The following PFKFB4 variants were observed in gnomAD, a reference collection of about 807,000 sequenced individuals.
PFKFB4 encodes the protein 6-phosphofructo-2-kinase/fructose-2,6-biphosphatase 4, also known as 6-phosphofructo-2-kinase/fructose-2,6-bisphosphatase 4.
A neutral mutation model predicts 62.8 loss-of-function variants in PFKFB4; 42 were observed. That is an observed-to-expected ratio of 0.67 (90% CI 0.52 to 0.86). The LOEUF (loss-of-function observed/expected upper bound fraction) is 0.86. Among genes scored for constraint, PFKFB4 ranks in the 40% least tolerant of loss-of-function variants. The pLI, the probability that PFKFB4 is intolerant of heterozygous loss-of-function variation, is 0.00. For missense variants in PFKFB4, 475 were observed against 627.2 expected, an observed-to-expected ratio of 0.76 and a Z score of 2.59; for synonymous variants, 204 against 240.7, an observed-to-expected ratio of 0.85 and a Z score of 1.41.
chr3:48,543,857 G>A (rs993914043), intron 3 of PFKFB4, among the ~76,000 whole-genome samples: 1 of 152,256 alleles, frequency 6.6e-6, no homozygotes, highest in Non-Finnish European at 1.5e-5. Flanking sequence ...TACACTCTTG[G>A]CTATTAGGAA....
In PFKFB4 at chr3:48,556,615, G is replaced by T; in HGVS notation, c.97+66C>A. On this transcript the variant is annotated intron_variant, in intron 1 of 13. Transcript: ENST00000232375. This position sits in a 1 kb window ranked among gnomAD's most constrained non-coding sequence, Gnocchi z 5.7. ...CGCCCCTTCTCCATGCGAGACCCCC[G>T]CCCAGGCCGCCCTACCCACCCATCC... 1.0e-6 allele frequency: 1 copy of T among 979,436 alleles called. No individual in the cohort carries two copies. Among genetic ancestry groups the T allele is most frequent in the Non-Finnish European group, 1.5e-6 (1 of 686,202 alleles). The allele number at this position is 979,436 out of a possible 1,614,324, so 60.7% of individuals were successfully genotyped here. A position where few individuals can be genotyped will look rare whatever the true frequency, so the allele number is the denominator to read the frequency against.
intron 1 of PFKFB4, among the ~76,000 whole-genome samples, chr3:48,550,917 A>G (rs1313191680): frequency 6.6e-6 from 1 of 152,244 alleles, no homozygotes; most frequent in African/African-American, 2.4e-5. Context: ...GGCCTGGCAC[A>G]GCGCTGGTGC....
chr3:48,522,199 G>A (rs2042118313), intron 12 of PFKFB4, 149 bp from the exon 13 acceptor site: 3 of 707,196 alleles, frequency 4.2e-6, no homozygotes, highest in South Asian at 3.3e-5. Context: ...AGGCAGCTCT[G>A]GGGAGCCCCG....
chr3:48,525,475 G>GCC, intron 10 of PFKFB4, 90 bp downstream of exon 10: 1 of 632,632 alleles, frequency 1.6e-6, no homozygotes, highest in Non-Finnish European at 2.7e-6. Flanking sequence ...TACCCACGCA[G>GCC]CCCCTGCAGA....
Position 48,525,559 on chromosome 3 carries a change from A to C in PFKFB4, c.1092+6T>G, listed in dbSNP as rs1258090295. The C allele has an allele frequency of 6.5e-7, 1 of 1,527,926 alleles. No homozygotes were observed. Among genetic ancestry groups the C allele is most frequent in the African/African-American group, 1.4e-5 (1 of 71,934 alleles). 94.6% of individuals were successfully genotyped at this position (1,527,926 alleles called of 1,614,324 possible). On this transcript the variant is annotated splice_donor_region_variant and intron_variant, in intron 10 of 13. Coordinates refer to ENST00000232375, the MANE Select transcript of PFKFB4 (RefSeq NM_004567.4). ...TGGCTGGGACTAAGCCCCAAATCCCACCTACCTCCCCTTTAGGGTACCGGT... is the reference window on the plus strand; with the variant it reads ...TGGCTGGGACTAAGCCCCAAATCCCCCCTACCTCCCCTTTAGGGTACCGGT...
rs1172144710 is a variant in PFKFB4, at chr3:48,523,754, C to G, written c.1169G>C (p.Cys390Ser). 6.2e-7 allele frequency: 1 copy of G among 1,614,094 alleles called. No individual in the cohort carries two copies. The highest frequency in any genetic ancestry group is 1.3e-5 in the African/African-American group (1 of 74,930). The change falls in exon 11 of 14, where the codon TGC becomes TCC. Residue 390 changes from cysteine to serine, a missense_variant. Physicochemically the swap from Cys to Ser is moderately radical, Grantham distance 112 (BLOSUM62 -1). Transcript: ENST00000232375. Reference protein sequence around the residue: ...LERQENVLVICHQAVMRCLLA... With the variant: ...LERQENVLVISHQAVMRCLLA... ...CAGGCAGCGCATCACAGCCTGGTGG[C>G]AGATGACCAGCACATTCTCTTGCCT... is the stretch of plus-strand genomic sequence containing the variant.
chr3:48,538,710 G>A (rs1237161603), intron 6 of PFKFB4, 91 bp from the exon 7 acceptor site: 6 of 1,558,308 alleles, frequency 3.9e-6, no homozygotes, highest in Non-Finnish European at 4.4e-6. Context: ...GGGGGCTGGA[G>A]GAGGTTGCAC....
chr3:48,528,367 G>C (rs146000006), intron 9 of PFKFB4, among the ~76,000 whole-genome samples: 1 of 152,072 alleles, frequency 6.6e-6, no homozygotes, highest in African/African-American at 2.4e-5. Context: ...ATATAAGTCC[G>C]CACAAAAACT....
At chr3:48,550,077 C>G (rs927982948) in intron 2 of PFKFB4, 41 bp downstream of exon 2, 6 of 1,482,220 alleles carry the variant, frequency 4.0e-6, no homozygotes, top group Non-Finnish European at 3.8e-6. Flanking sequence ...CTTCGTCATG[C>G]CCCACAAAGC....
Position 48,519,803 on chromosome 3 carries a change from C to T in PFKFB4, c.1354G>A (p.Val452Met), listed in dbSNP as rs959743162. Residue 452 changes from valine to methionine, a missense_variant, in exon 14 of 14, where the codon GTG (valine) becomes ATG (methionine). By Grantham distance (21) the Val-to-Met change is conservative. Transcript: ENST00000232375. The stretch of plus-strand genomic sequence containing the variant: ...TCCTCTGGAGGTCTTGAGATGTCCA[C>T]GTTCTGTACAATAAAAACACAGAGC... ...VNTHRDRPQN[V>M]DISRPPEEAL... 6 of 1,612,968 alleles carry T rather than the reference C, an allele frequency of 3.7e-6. No individual in the cohort carries two copies. The highest frequency in any genetic ancestry group is 1.7e-5 in the Admixed American group (1 of 59,974).
upstream of PFKFB4, among the ~76,000 whole-genome samples, chr3:48,558,052 A>C (rs2043372438): frequency 6.6e-6 from 1 of 152,190 alleles, no homozygotes; most frequent in Non-Finnish European, 1.5e-5. Context: ...TTACAGTATT[A>C]CAGTATAAAT....
rs1482623883 is a variant in PFKFB4, at chr3:48,538,615, A to C, written c.515T>G (p.Val172Gly). The C allele has an allele frequency of 2.9e-5, 47 of 1,614,108 alleles. No individual in the cohort carries two copies. Among genetic ancestry groups the C allele is most frequent in the Non-Finnish European group, 3.9e-5 (46 of 1,180,014 alleles). ...GACATAGTCAGGGCTGCCCAGTTTCACTTGCTGCCGGAGCCAGGCACAGAG... is the reference window on the plus strand; with the variant it reads ...GACATAGTCAGGGCTGCCCAGTTTCCCTTGCTGCCGGAGCCAGGCACAGAG... The part of the protein sequence containing the change: ...PEVIAANIVQ[V>G]KLGSPDYVNR... The change falls in exon 7 of 14, where the codon GTG becomes GGG. Residue 172 changes from valine to glycine, a missense_variant. Transcript: ENST00000232375.
At chr3:48,558,292 C>G (rs984074594), upstream of PFKFB4, among the ~76,000 whole-genome samples, 2 of 152,162 alleles carry the variant, frequency 1.3e-5, no homozygotes, top group Admixed American at 6.5e-5. Context: ...TGTACACTCT[C>G]TGCCCCAGCC....
chr3:48,559,485 A>C (rs1259536034), upstream of PFKFB4: 3 of 456,796 alleles, frequency 6.6e-6, no homozygotes, highest in Non-Finnish European at 1.3e-5. Context: ...ACTACAGTGG[A>C]ATCGCACAGT....
intron 1 of PFKFB4, among the ~76,000 whole-genome samples, chr3:48,550,890 G>A (rs1375464520): frequency 6.6e-6 from 1 of 152,224 alleles, no homozygotes; most frequent in East Asian, 1.9e-4. Flanking sequence ...TGGTATCTGA[G>A]CCCTTTAGGG....
At chr3:48,524,609 T>C (rs2042199516) in intron 10 of PFKFB4, among the ~76,000 whole-genome samples, 1 of 152,248 alleles carries the variant, frequency 6.6e-6, no homozygotes, top group Non-Finnish European at 1.5e-5. Flanking sequence ...TTGTTTCTCC[T>C]GACCGTTATC....
chr3:48,556,567 T>A lies in PFKFB4; in HGVS notation c.97+114A>T, dbSNP rs560632031. On this transcript the variant is annotated intron_variant, in intron 1 of 13. Coordinates refer to ENST00000232375, the MANE Select transcript of PFKFB4 (RefSeq NM_004567.4). This position sits in a 1 kb window ranked among gnomAD's most constrained non-coding sequence, Gnocchi z 5.7. ...TCCCCAGTCACGGCAACCTCACCTGTCCCCGGTTCCCCATCTGTCTCCCGC... is the reference window on the plus strand; with the variant it reads ...TCCCCAGTCACGGCAACCTCACCTGACCCCGGTTCCCCATCTGTCTCCCGC... 1.6e-6 allele frequency: 2 copies of A among 1,263,732 alleles called. No homozygotes were observed. The highest frequency in any genetic ancestry group is 5.2e-5 in the East Asian group (2 of 38,640). The allele number at this position is 1,263,732 out of a possible 1,614,324, so 78.3% of individuals were successfully genotyped here.
intron 9 of PFKFB4, among the ~76,000 whole-genome samples, chr3:48,530,349 T>C (rs1480072513): frequency 6.6e-6 from 1 of 152,170 alleles, no homozygotes; most frequent in Non-Finnish European, 1.5e-5. Flanking sequence ...AGGAAATGAA[T>C]GGCAATAATA....
At chr3:48,558,078 C>CT (rs1165769032), upstream of PFKFB4, among the ~76,000 whole-genome samples, 1 of 152,168 alleles carries the variant, frequency 6.6e-6, no homozygotes, top group Non-Finnish European at 1.5e-5. Flanking sequence ...ATGTCAATCT[C>CT]TAAGAAATTC....
Sources: allele counts gnomAD v4.1 joint callset (sites outside exome capture counted in the v4.1 genomes callset), GRCh38; gene constraint gnomAD v4.1.1; non-coding constraint Gnocchi (gnomAD v3.1); transcripts MANE v1.5; gene names NCBI Gene and HGNC (gene_info 2026-07-23, HGNC 2026-07-21).